The following GRID2 variants were observed in gnomAD, a reference collection of about 807,000 sequenced individuals.
GRID2 encodes glutamate ionotropic receptor delta type subunit 2.
In GRID2, 33 loss-of-function variants were observed where a neutral mutation model predicts 114.8. The ratio of observed to expected loss-of-function variants is 0.29; its 90% CI spans 0.22 to 0.38. The LOEUF (loss-of-function observed/expected upper bound fraction) is 0.38. GRID2 is among the 10% of genes least tolerant of loss of function. The pLI is 1.00. For synonymous variants in GRID2, 505 were observed against 449.9 expected, an observed-to-expected ratio of 1.12 and a Z score of -1.55; for missense variants, 1,184 against 1,257.7, an observed-to-expected ratio of 0.94 and a Z score of 0.89.
chr4:92,825,018 T>C (rs558423390), intron 2 of GRID2, among the ~76,000 whole-genome samples: 1 of 152,212 alleles, frequency 6.6e-6, no homozygotes, highest in South Asian at 2.1e-4. Context: ...ATCCCAGAAC[T>C]TAAAGTATAA....
intron 2 of GRID2, among the ~76,000 whole-genome samples, chr4:92,942,499 C>T (rs1223953773): frequency 6.6e-6 from 1 of 152,144 alleles, no homozygotes; most frequent in Non-Finnish European, 1.5e-5. Flanking sequence ...ATACAGCACA[C>T]TGATGGGTCT....
chr4:92,719,587 G>A (rs1338161928), intron 2 of GRID2, among the ~76,000 whole-genome samples: 1 of 152,072 alleles, frequency 6.6e-6, no homozygotes, highest in East Asian at 1.9e-4. Flanking sequence ...CTAAAAGGTA[G>A]AGAAATGCTA....
At chr4:93,206,867 A>G (rs1043508695) in intron 4 of GRID2, among the ~76,000 whole-genome samples, 1 of 152,138 alleles carries the variant, frequency 6.6e-6, no homozygotes, top group Non-Finnish European at 1.5e-5. Context: ...TAATTTTAGA[A>G]TAGATCACCT....
At chr4:92,783,562 C>T (rs1421095294) in intron 2 of GRID2, among the ~76,000 whole-genome samples, 3 of 151,962 alleles carry the variant, frequency 2.0e-5, no homozygotes, top group Non-Finnish European at 4.4e-5. Context: ...TATTCACTTA[C>T]TTAATTTTAT....
At chr4:93,189,768 C>T (rs1560967424) in intron 4 of GRID2, among the ~76,000 whole-genome samples, 1 of 110,634 alleles carries the variant, frequency 9.0e-6, no homozygotes, top group Non-Finnish European at 1.8e-5. Context: ...CACCACCACA[C>T]CACACCACAC....
intron 13 of GRID2, among the ~76,000 whole-genome samples, chr4:93,625,018 C>T (rs1578425401): frequency 6.6e-6 from 1 of 152,154 alleles, no homozygotes; most frequent in Non-Finnish European, 1.5e-5. Context: ...GCAAGATATC[C>T]ATAGGCCACA....
At chr4:93,399,534 G>C (rs1230042485) in intron 9 of GRID2, among the ~76,000 whole-genome samples, 1 of 152,044 alleles carries the variant, frequency 6.6e-6, no homozygotes, top group African/African-American at 2.4e-5. Context: ...AATCAACAAG[G>C]AGTGTTGAAT....
At chr4:92,425,254 G>A (rs1341003719) in intron 1 of GRID2, among the ~76,000 whole-genome samples, 4 of 151,938 alleles carry the variant, frequency 2.6e-5, no homozygotes, top group Non-Finnish European at 4.4e-5. Context: ...AGGGTGGCTC[G>A]TTTAGATATG....
chr4:92,595,640 T>C (rs979745910), intron 2 of GRID2, among the ~76,000 whole-genome samples: 1 of 152,096 alleles, frequency 6.6e-6, no homozygotes, highest in Admixed American at 6.6e-5. Context: ...ATTTCCAGTA[T>C]ATGATTATGC....
At position 93,488,181 on chromosome 4, in the gene GRID2, T is replaced by C. The variant is rs184256341; in HGVS notation, c.1859-2458T>C. Among the ~76,000 whole-genome samples the C allele has an allele frequency of 3.1e-3, 479 of 152,092 alleles. 2 individuals are homozygous for C. The highest frequency in any genetic ancestry group is 0.011 in the African/African-American group (459 of 41,544). On this transcript the variant is annotated intron_variant, in intron 11 of 15. Transcript: ENST00000282020. ...CTTTGGCTATCATCTTGTTCACATTTTATTATTATTTTTTCAATTAGCTAT... is the reference window on the plus strand; with the variant it reads ...CTTTGGCTATCATCTTGTTCACATTCTATTATTATTTTTTCAATTAGCTAT...
At chr4:93,145,463 A>ATTTT (rs1169985258) in intron 4 of GRID2, among the ~76,000 whole-genome samples, 1 of 120,762 alleles carries the variant, frequency 8.3e-6, no homozygotes, top group African/African-American at 3.7e-5. Context: ...GTATTTATTT[A>ATTTT]TTTATTTATT....
intron 1 of GRID2, among the ~76,000 whole-genome samples, chr4:92,442,267 C>G (rs561936150): frequency 2.3e-4 from 35 of 152,060 alleles, no homozygotes; most frequent in East Asian, 1.7e-3. Flanking sequence ...AGGAGTCAGA[C>G]AGCCTTGCGC....
chr4:93,570,256 CCT>C (rs1166860375), intron 13 of GRID2, among the ~76,000 whole-genome samples: 2 of 152,116 alleles, frequency 1.3e-5, no homozygotes, highest in Non-Finnish European at 2.9e-5. Context: ...ATACTTTTCC[CCT>C]GTTTCTGGAG....
chr4:92,440,865 C>T (rs1351407876), intron 1 of GRID2, among the ~76,000 whole-genome samples: 3 of 152,024 alleles, frequency 2.0e-5, no homozygotes, highest in Admixed American at 1.3e-4. Flanking sequence ...GGGCCAGGAA[C>T]AACGGTAATT....
At position 93,765,553 on chromosome 4, in the gene GRID2, A is replaced by AT. The variant is rs548421779; in HGVS notation, c.2361-3649dup. Among the ~76,000 whole-genome samples the AT allele has an allele frequency of 1.1e-3, 161 of 149,912 alleles. 1 individual carries two copies. Among genetic ancestry groups the AT allele is most frequent in the African/African-American group, 2.9e-3 (117 of 40,686 alleles). ...AACCTAAAAATTCTGCAATTAAATG[A>AT]TTTTTTTTGGGTTTAAGGCTTTTAA... On this transcript the variant is annotated intron_variant, in intron 14 of 15. Coordinates refer to ENST00000282020, the MANE Select transcript of GRID2 (RefSeq NM_001510.4).
chr4:92,406,422 T>C (rs1396666456), intron 1 of GRID2, among the ~76,000 whole-genome samples: 1 of 152,158 alleles, frequency 6.6e-6, no homozygotes, highest in Non-Finnish European at 1.5e-5. Context: ...AATGATTTCA[T>C]TTTAGAAAAC....
intron 1 of GRID2, among the ~76,000 whole-genome samples, chr4:92,523,962 A>G (rs1724909625): frequency 6.6e-6 from 1 of 152,050 alleles, no homozygotes; most frequent in African/African-American, 2.4e-5. Flanking sequence ...GGACAATTGG[A>G]GCAAAGTCCC....
At chr4:93,179,284 GTA>G (rs1196411663) in intron 4 of GRID2, among the ~76,000 whole-genome samples, 1 of 152,176 alleles carries the variant, frequency 6.6e-6, no homozygotes, top group Non-Finnish European at 1.5e-5. Context: ...GTGAAAGCTA[GTA>G]TATCTTCTTG....
chr4:92,925,698 A>C (rs1331069314), intron 2 of GRID2, among the ~76,000 whole-genome samples: 1 of 151,992 alleles, frequency 6.6e-6, no homozygotes, highest in East Asian at 1.9e-4. Context: ...TATTAACTTG[A>C]AATTCCTACC....
Sources: gnomAD v4.1 joint callset for allele counts (sites outside exome capture counted in the v4.1 genomes callset) on GRCh38, gnomAD v4.1.1 for gene constraint, MANE v1.5 for transcripts, NCBI Gene and HGNC (gene_info 2026-07-23, HGNC 2026-07-21) for gene names.